STAB2: variants seen among roughly 807,000 people sequenced by gnomAD.
The protein encoded by STAB2 is stabilin 2, also known as stabilin-2.
A neutral mutation model predicts 338.1 loss-of-function variants in STAB2; 288 were observed. That is an observed-to-expected ratio of 0.85 (90% CI 0.77 to 0.94). STAB2 has a LOEUF of 0.94. Ranked by LOEUF, STAB2 falls within the 40% of genes least tolerant of loss-of-function variation. The probability of loss-of-function intolerance (pLI) is 0.00; values close to 1 mark genes in which losing one functional copy is unlikely to be tolerated. For missense variants in STAB2, 3,141 were observed against 3,210.1 expected (o/e 0.98, Z 0.52); for synonymous variants, 1,202 against 1,193.3 (o/e 1.01, Z -0.15).
intron 39 of STAB2, chr12:103,711,238 C>G: frequency 1.7e-6 from 1 of 579,302 alleles, no homozygotes. Flanking sequence ...TCCTCACTGC[C>G]TAGCACAGGG....
At chr12:103,594,247 G>A in intron 2 of STAB2, 148 bp from the exon 3 acceptor site, 1 of 565,490 alleles carries the variant, frequency 1.8e-6, no homozygotes, top group Non-Finnish European at 3.2e-6. Context: ...TAAGTTTTAT[G>A]CTACCTAGAA....
At chr12:103,758,431 C>A in intron 64 of STAB2, 142 bp downstream of exon 64, 1 of 1,412,564 alleles carries the variant, frequency 7.1e-7, no homozygotes, top group Non-Finnish European at 9.5e-7. Context: ...TTGGCCACTC[C>A]CTTGGTCTTG....
At position 103,761,522 on chromosome 12, in the gene STAB2, G is replaced by C. The variant is rs1884539782; in HGVS notation, c.7359+112G>C. On this transcript the variant is annotated intron_variant, in intron 66 of 68. Transcript: ENST00000388887. ...CTCCTCCCTCTTCCTCCAGAGACTG[G>C]AGGAGCCTCCAGCCTCCAACCTCCA... 33 of 967,388 alleles carry C rather than the reference G, an allele frequency of 3.4e-5. No individual in the cohort carries two copies. The South Asian group carries it at 5.0e-4, about 15-fold the overall frequency. The allele number at this position is 967,388 out of a possible 1,614,324, so 59.9% of individuals were successfully genotyped here.
intron 22 of STAB2, among the ~76,000 whole-genome samples, 191 bp downstream of exon 22, chr12:103,670,998 G>A (rs1875731405): frequency 2.0e-5 from 3 of 152,160 alleles, no homozygotes; most frequent in Non-Finnish European, 4.4e-5. Context: ...AGCCCCACCT[G>A]CAGAGTTTCT....
chr12:103,675,486 C>A (rs901063689), intron 23 of STAB2, among the ~76,000 whole-genome samples: 1 of 152,158 alleles, frequency 6.6e-6, no homozygotes. Flanking sequence ...TTTGCTGAAC[C>A]AGAGGTAATA....
At chr12:103,656,215 C>A (rs921655451) in intron 15 of STAB2, among the ~76,000 whole-genome samples, 5 of 152,128 alleles carry the variant, frequency 3.3e-5, no homozygotes, top group African/African-American at 1.2e-4. Context: ...GAATTTTGTT[C>A]GTTAGAATGT....
rs921547786 is a variant in STAB2 at position 103,673,811 on chromosome 12, G to T, written c.2372-96G>T. 3.5e-5 allele frequency: 46 copies of T among 1,301,904 alleles called. No homozygotes were observed. The East Asian group carries it at 4.0e-4, about 11-fold the overall frequency. 80.6% of individuals were successfully genotyped at this position (1,301,904 alleles called of 1,614,324 possible). A position where few individuals can be genotyped will look rare whatever the true frequency, so the allele number is the denominator to read the frequency against. ...CTGCTTTGACAAGAGTGAGTGGGGG[G>T]TGAGAAGAGGTGGTCCCTGTCCTCC... On this transcript the variant is annotated intron_variant, in intron 22 of 68. Transcript: ENST00000388887.
intron 3 of STAB2, among the ~76,000 whole-genome samples, chr12:103,605,318 C>T (rs919420106): frequency 1.4e-5 from 2 of 144,436 alleles, no homozygotes; most frequent in Non-Finnish European, 3.0e-5. Context: ...AATTTATTGA[C>T]TTGTTTTATG....
intron 3 of STAB2, among the ~76,000 whole-genome samples, chr12:103,606,913 G>T (rs768896338): frequency 6.6e-6 from 1 of 152,172 alleles, no homozygotes; most frequent in Non-Finnish European, 1.5e-5. Flanking sequence ...GAACTCGGGA[G>T]GTGGAGGGTG....
intron 43 of STAB2, among the ~76,000 whole-genome samples, chr12:103,716,821 A>G (rs1023027168): frequency 1.3e-5 from 2 of 152,142 alleles, no homozygotes; most frequent in South Asian, 4.2e-4. Context: ...TGGGACCTCC[A>G]AGGGTGCCCA....
chr12:103,676,168 T>A (rs1208817969), intron 24 of STAB2, 147 bp downstream of exon 24: 8 of 525,010 alleles, frequency 1.5e-5, no homozygotes, highest in African/African-American at 2.0e-5. Context: ...TTCAAGCGAT[T>A]CTCCTGCCTC....
rs758266652 is a variant in STAB2, at chr12:103,766,311, G to T, written c.7631G>T (p.Gly2544Val). 3 of 1,613,944 alleles carry T rather than the reference G, an allele frequency of 1.9e-6. No individual in the cohort carries two copies. In the Admixed American group the frequency reaches 5.0e-5, roughly 27 times the overall value. Residue 2544 changes from glycine to valine, a missense_variant, in exon 69 of 69, where the codon GGC becomes GTC. Gly to Val is a moderately radical substitution (Grantham distance 109, BLOSUM62 -3). Transcript: ENST00000388887. ...GACTCTGAAGAACGGCAGCTTGAGG[G>T]CAATGACCCCTTGAGGACACTGTGA... ...FTDSEERQLE[G>V]NDPLRTL
intron 23 of STAB2, 91 bp downstream of exon 23, chr12:103,674,178 G>A: frequency 1.4e-6 from 2 of 1,435,480 alleles, no homozygotes. Context: ...TGTAGACGGA[G>A]CCAACCCATA....
At position 103,685,091 on chromosome 12, in the gene STAB2, C is replaced by A; in HGVS notation, c.2997+7C>A. 6.2e-7 allele frequency: 1 copy of A among 1,613,056 alleles called. No homozygotes were observed. The highest frequency in any genetic ancestry group is 1.1e-5 in the South Asian group (1 of 90,984). On this transcript the variant is annotated splice_region_variant and intron_variant, in intron 27 of 68. Transcript: ENST00000388887. ...CTATGGAAACGCAGCAGTGGTAAGTCATCGATGATGAACTCAATAATATAG... is the reference window on the plus strand; with the variant it reads ...CTATGGAAACGCAGCAGTGGTAAGTAATCGATGATGAACTCAATAATATAG...
rs201724797 is a variant in STAB2 at position 103,650,559 on chromosome 12, A to T, written c.1238A>T (p.Lys413Met). ...TTCACGGTGCTGTTACCTACAGACA[A>T]GGGACTGAAAGGATTCAATGTGAGT... is the stretch of plus-strand genomic sequence containing the variant. ...GPFTVLLPTD[K>M]GLKGFNVNEL... Residue 413 changes from lysine (K) to methionine (M), a missense_variant, in exon 11 of 69, where the codon AAG becomes ATG. Transcript: ENST00000388887. 1 of 1,613,016 alleles carries T rather than the reference A, an allele frequency of 6.2e-7. No homozygotes were observed. Among genetic ancestry groups the T allele is most frequent in the East Asian group, 2.2e-5 (1 of 44,854 alleles).
At chr12:103,726,819 GAAAAT>G (rs981619090) in intron 46 of STAB2, among the ~76,000 whole-genome samples, 5 of 152,154 alleles carry the variant, frequency 3.3e-5, no homozygotes, top group South Asian at 4.2e-4. Context: ...AAAACTAGAA[GAAAAT>G]ATGCTCATAG....
intron 56 of STAB2, among the ~76,000 whole-genome samples, chr12:103,744,382 C>G (rs940263378): frequency 1.3e-5 from 2 of 151,738 alleles, no homozygotes; most frequent in Non-Finnish European, 2.9e-5. Context: ...AAACTCCTGG[C>G]CTCAAGCAAT....
intron 28 of STAB2, among the ~76,000 whole-genome samples, chr12:103,688,530 A>G (rs1877636462): frequency 6.6e-6 from 1 of 152,196 alleles, no homozygotes; most frequent in Non-Finnish European, 1.5e-5. Flanking sequence ...CATCATTGTA[A>G]TTCACCAAGT....
chr12:103,604,125 T>A (rs569972081), intron 3 of STAB2, among the ~76,000 whole-genome samples: 2 of 152,304 alleles, frequency 1.3e-5, no homozygotes, highest in African/African-American at 4.8e-5. Context: ...TGGAATTTTC[T>A]CCATAGACAA....
Sources: allele counts gnomAD v4.1 joint callset (sites outside exome capture counted in the v4.1 genomes callset), GRCh38; gene constraint gnomAD v4.1.1; transcripts MANE v1.5; gene names NCBI Gene and HGNC (gene_info 2026-07-23, HGNC 2026-07-21).